TRPM8: variants seen among roughly 807,000 people sequenced by gnomAD.
TRPM8 encodes TRPM8 cationic channel.
A neutral mutation model predicts 133.7 loss-of-function variants in TRPM8; 110 were observed. The ratio of observed to expected loss-of-function variants is 0.82; its 90% CI spans 0.70 to 0.96. The LOEUF is 0.96. Ranked by LOEUF, TRPM8 falls within the 40% of genes least tolerant of loss-of-function variation. TRPM8 has a pLI of 0.00. For synonymous variants in TRPM8, 535 were observed against 532.3 expected (o/e 1.01, Z -0.07); for missense variants, 1,291 against 1,379.5 (o/e 0.94, Z 1.02).
At chr2:233,987,335 C>T (rs1692170195) in intron 21 of TRPM8, among the ~76,000 whole-genome samples, 1 of 152,172 alleles carries the variant, frequency 6.6e-6, no homozygotes, top group African/African-American at 2.4e-5. Context: ...AAAACATGGA[C>T]TTTAAAAATC....
At chr2:233,950,218 C>T (rs1169563777) in intron 9 of TRPM8, 72 bp downstream of exon 9, 17 of 1,420,580 alleles carry the variant, frequency 1.2e-5, no homozygotes, top group Non-Finnish European at 1.5e-5. Context: ...ATGCCTTAAA[C>T]GCCCAACTCC....
chr2:233,928,557 C>T (rs556475521), intron 2 of TRPM8, among the ~76,000 whole-genome samples: 113 of 152,178 alleles, frequency 7.4e-4, no homozygotes, highest in Non-Finnish European at 1.4e-3. Flanking sequence ...CTGTTTTCTT[C>T]CTGCCTGTTA....
At chr2:233,930,627 A>G in intron 2 of TRPM8, 41 bp from the exon 3 acceptor site, 1 of 1,385,180 alleles carries the variant, frequency 7.2e-7, no homozygotes, top group Middle Eastern at 1.8e-4. Context: ...AAGGGGTGAG[A>G]ATAAATTAGT....
At chr2:234,001,979 A>C (rs914756420) in intron 22 of TRPM8, among the ~76,000 whole-genome samples, 1 of 152,208 alleles carries the variant, frequency 6.6e-6, no homozygotes, top group African/African-American at 2.4e-5. Context: ...AGGGCTCATC[A>C]TCTGGGGGAG....
intron 22 of TRPM8, among the ~76,000 whole-genome samples, chr2:234,002,307 A>T (rs17865674): frequency 0.21 from 31,801 of 151,930 alleles, 3,436 homozygotes; most frequent in Middle Eastern, 0.3. Flanking sequence ...AGACGAGAGT[A>T]AGGCTTGGAC....
chr2:233,917,492 A>G (rs1285097931), intron 1 of TRPM8, 60 bp downstream of exon 1: 4 of 152,190 alleles, frequency 2.6e-5, no homozygotes, highest in African/African-American at 4.8e-5. Flanking sequence ...TGTAACTTGT[A>G]GAATAGTACG....
intron 17 of TRPM8, among the ~76,000 whole-genome samples, chr2:233,976,041 A>G (rs1006443443): frequency 1.3e-5 from 2 of 152,154 alleles, no homozygotes; most frequent in African/African-American, 4.8e-5. Context: ...GCTTCATCCA[A>G]ATATTTCATT....
chr2:233,931,406 G>A (rs1472561329), intron 3 of TRPM8, among the ~76,000 whole-genome samples: 1 of 152,194 alleles, frequency 6.6e-6, no homozygotes, highest in African/African-American at 2.4e-5. Flanking sequence ...GGCAATGCAA[G>A]AAAGAGTCTA....
At chr2:233,949,635 C>G (rs1316849273) in intron 8 of TRPM8, among the ~76,000 whole-genome samples, 4 of 152,154 alleles carry the variant, frequency 2.6e-5, no homozygotes, top group Admixed American at 2.6e-4. Flanking sequence ...TCTATTATGT[C>G]AGTACTTGGA....
At chr2:233,969,490 G>GA (rs1311732841) in intron 15 of TRPM8, among the ~76,000 whole-genome samples, 4 of 151,030 alleles carry the variant, frequency 2.6e-5, no homozygotes, top group African/African-American at 2.4e-5. Flanking sequence ...TCCGTCTCAA[G>GA]AAAAAAAACA....
chr2:233,949,839 T>C (rs1338928516), intron 8 of TRPM8, 110 bp from the exon 9 acceptor site: 8 of 879,992 alleles, frequency 9.1e-6, no homozygotes, highest in Non-Finnish European at 1.4e-5. Flanking sequence ...AAGGAAAACG[T>C]GTAGGGATGT....
chr2:233,955,164 T>C lies in TRPM8; in HGVS notation c.1276T>C (p.Trp426Arg). 2 of 1,614,148 alleles carry C rather than the reference T, an allele frequency of 1.2e-6. No homozygotes were observed. Among genetic ancestry groups the C allele is most frequent in the Non-Finnish European group, 8.5e-7 (1 of 1,180,018 alleles). The change falls in exon 11 of 26, where the codon TGG becomes CGG. Residue 426 changes from tryptophan (W) to arginine (R), a missense_variant. Physicochemically the swap from Trp to Arg is moderately radical, Grantham distance 101. Around this residue, in one of 2 missense-constraint regions of TRPM8, gnomAD observed 963 missense variants for 968.9 expected, o/e 0.99. Coordinates refer to ENST00000324695, the MANE Select transcript of TRPM8 (RefSeq NM_024080.5). ...CACCAGTGAGCAAGACAAGGATAAC[T>C]GGAATGGGCAGCTGAAGCTTCTGCT... ...FSTSEQDKDNWNGQLKLLLEW... is the reference protein window; with the variant it reads ...FSTSEQDKDNRNGQLKLLLEW...
chr2:233,919,325 A>C (rs2125019764), intron 1 of TRPM8, among the ~76,000 whole-genome samples: 1 of 152,302 alleles, frequency 6.6e-6, no homozygotes, highest in African/African-American at 2.4e-5. Flanking sequence ...CTCTCCCCTC[A>C]GCAAACAACA....
At chr2:233,984,107 A>T (rs1482990911) in intron 20 of TRPM8, among the ~76,000 whole-genome samples, 1 of 152,168 alleles carries the variant, frequency 6.6e-6, no homozygotes, top group African/African-American at 2.4e-5. Flanking sequence ...TAGCTCCATG[A>T]GGATCTAAAG....
At chr2:233,941,238 C>A (rs193283075) in intron 5 of TRPM8, among the ~76,000 whole-genome samples, 3 of 152,218 alleles carry the variant, frequency 2.0e-5, no homozygotes, top group African/African-American at 7.2e-5. Flanking sequence ...TTTAGCTATA[C>A]GGATTTTAAA....
chr2:233,919,280 T>C (rs1017162698), intron 1 of TRPM8, among the ~76,000 whole-genome samples: 1 of 152,212 alleles, frequency 6.6e-6, no homozygotes, highest in Admixed American at 6.5e-5. Flanking sequence ...AAATTATTCA[T>C]GACCATTGAT....
At chr2:233,960,672 T>C in intron 11 of TRPM8, 104 bp from the exon 12 acceptor site, 1 of 851,926 alleles carries the variant, frequency 1.2e-6, no homozygotes, top group South Asian at 1.7e-5. Context: ...ATATTATTAC[T>C]CTGTGGCTGG....
At chr2:233,993,643 T>A (rs1692335978) in intron 21 of TRPM8, among the ~76,000 whole-genome samples, 1 of 152,146 alleles carries the variant, frequency 6.6e-6, no homozygotes, top group Non-Finnish European at 1.5e-5. Context: ...AGAAGACATG[T>A]TTTTCCCTGA....
chr2:233,926,668 A>G lies in TRPM8; in HGVS notation c.117+14A>G, dbSNP rs202000341. ...TACAGTGAAAGCGTAAGTCATGCGC[A>G]TCACCTGTTTGAAAGGTTATCATTG... On this transcript the variant is annotated intron_variant, in intron 2 of 25. Transcript: ENST00000324695. The G allele has an allele frequency of 8.7e-5, 138 of 1,590,744 alleles. No individual in the cohort carries two copies. The East Asian group carries it at 1.9e-3, about 22-fold the overall frequency.
Sources: allele counts gnomAD v4.1 joint callset (sites outside exome capture counted in the v4.1 genomes callset), GRCh38; gene constraint gnomAD v4.1.1; regional missense constraint gnomAD v4.1.1; transcripts MANE v1.5; gene names NCBI Gene and HGNC (gene_info 2026-07-23, HGNC 2026-07-21).